The following PAXIP1 variants were observed in gnomAD, a reference collection of about 807,000 sequenced individuals.
The protein encoded by PAXIP1 is PAX interacting protein 1.
A neutral mutation model predicts 140.6 loss-of-function variants in PAXIP1; 19 were observed. The observed-to-expected ratio is 0.14, with a 90% CI of 0.09 to 0.20. PAXIP1 has a LOEUF of 0.20. Among genes scored for constraint, PAXIP1 ranks in the 10% least tolerant of loss-of-function variants. The pLI is 1.00. For synonymous variants in PAXIP1, 442 were observed against 444.6 expected, an observed-to-expected ratio of 0.99 and a Z score of 0.07; for missense variants, 920 against 1,208.6, an observed-to-expected ratio of 0.76 and a Z score of 3.54.
chr7:154,978,894 T>C, intron 5 of PAXIP1, among the ~76,000 whole-genome samples: 1 of 152,228 alleles, frequency 6.6e-6, no homozygotes, highest in East Asian at 1.9e-4. Context: ...TGGGATCCAG[T>C]AGGCTCTTGA....
intron 3 of PAXIP1, among the ~76,000 whole-genome samples, chr7:154,991,602 T>A (rs1446833383): frequency 6.6e-6 from 1 of 152,204 alleles, no homozygotes; most frequent in Non-Finnish European, 1.5e-5. Context: ...TCCCCTTTTT[T>A]AAAACAAAAG....
In PAXIP1 at chr7:154,968,386, T is replaced by C. The variant is rs1366602486; in HGVS notation, c.1798+17A>G. 1.3e-6 allele frequency: 2 copies of C among 1,517,122 alleles called. No homozygotes were observed. Among genetic ancestry groups the C allele is most frequent in the African/African-American group, 2.8e-5 (2 of 72,140 alleles). 94.0% of individuals were successfully genotyped at this position (1,517,122 alleles called of 1,614,324 possible). A position where few individuals can be genotyped will look rare whatever the true frequency, so the allele number is the denominator to read the frequency against. On this transcript the variant is annotated intron_variant, in intron 7 of 20. Coordinates refer to ENST00000404141, the MANE Select transcript of PAXIP1 (RefSeq NM_007349.4). ...CAAGACTTTTAGGAGAGAGGAAAAA[T>C]AATCTCCATTACTAACTCTCCACTG... is the stretch of plus-strand genomic sequence containing the variant.
chr7:154,994,957 T>C (rs956041718), intron 2 of PAXIP1, among the ~76,000 whole-genome samples: 78 of 152,268 alleles, frequency 5.1e-4, no homozygotes, highest in African/African-American at 1.9e-3. Context: ...TCCAGTTAAA[T>C]TTAAAAAAAT....
At chr7:154,993,317 A>G (rs563922316) in intron 3 of PAXIP1, among the ~76,000 whole-genome samples, 1 of 152,190 alleles carries the variant, frequency 6.6e-6, no homozygotes, top group Non-Finnish European at 1.5e-5. Flanking sequence ...TAATCGTTCT[A>G]CCCAATGCAA....
rs558102015 is a variant in PAXIP1, at chr7:154,957,035, A to T, written c.2549+189T>A. 24 of 417,624 alleles carry T rather than the reference A, an allele frequency of 5.7e-5. No homozygotes were observed. In the South Asian group the frequency reaches 1.3e-3, roughly 23 times the overall value. The allele number at this position is 417,624 out of a possible 1,614,324, so 25.9% of individuals were successfully genotyped here. ...TTAAAGAAAAAGACTGAATTTTTTT[A>T]AAATAAAAAATATACTGGCCTATGT... On this transcript the variant is annotated intron_variant, in intron 14 of 20. Transcript: ENST00000404141.
chr7:154,996,501 G>C (rs1450401713), intron 2 of PAXIP1, among the ~76,000 whole-genome samples: 1 of 152,148 alleles, frequency 6.6e-6, no homozygotes, highest in African/African-American at 2.4e-5. Context: ...CTTACATACT[G>C]ACTTTCCCAG....
intron 5 of PAXIP1, among the ~76,000 whole-genome samples, chr7:154,977,082 A>G (rs1322834810): frequency 6.6e-6 from 1 of 152,234 alleles, no homozygotes; most frequent in Non-Finnish European, 1.5e-5. Context: ...CAATTTGCAC[A>G]GTTAGAATGA....
intron 6 of PAXIP1, among the ~76,000 whole-genome samples, chr7:154,974,990 CAA>C (rs59174178): frequency 3.3e-5 from 4 of 122,178 alleles, no homozygotes; most frequent in African/African-American, 6.5e-5. Flanking sequence ...ACTAAAAATA[CAA>C]AAAAAAAAAA....
rs1206419192 is a variant in PAXIP1, at chr7:154,944,114, C to A, written c.*35G>T. 6.2e-7 allele frequency: 1 copy of A among 1,610,572 alleles called. No homozygotes were observed. The highest frequency in any genetic ancestry group is 8.5e-7 in the Non-Finnish European group (1 of 1,177,942). ...GCCAGCCAGACAGCCAGCCCCGCAC[C>A]GCAGGAGTCGACATGCACGGCAGCC... On this transcript the variant is annotated 3_prime_UTR_variant, in exon 21 of 21. Coordinates refer to ENST00000404141, the MANE Select transcript of PAXIP1 (RefSeq NM_007349.4).
rs555344614 is a variant in PAXIP1, at chr7:154,968,959, GTGCTGC to G, written c.1236_1241del (p.Gln412_Gln413del). The G allele has an allele frequency of 6.1e-6, 9 of 1,476,562 alleles. No homozygotes were observed. Among genetic ancestry groups the G allele is most frequent in the Non-Finnish European group, 8.3e-6 (9 of 1,090,742 alleles). 91.5% of individuals were successfully genotyped at this position (1,476,562 alleles called of 1,614,324 possible). ...GCTGGGGCTGAAGGTGTAAAACCGGGTGCTGCTGCTGCTGCTGCTGGGCCTGCTGCT... is the reference window on the plus strand; with the variant it reads ...GCTGGGGCTGAAGGTGTAAAACCGGGTGCTGCTGCTGCTGGGCCTGCTGCT... On this transcript the variant is annotated inframe_deletion, in exon 7 of 21. Coordinates refer to ENST00000404141, the MANE Select transcript of PAXIP1 (RefSeq NM_007349.4).
intron 5 of PAXIP1, among the ~76,000 whole-genome samples, chr7:154,982,681 G>C (rs1294200658): frequency 2.6e-5 from 4 of 152,294 alleles, no homozygotes; most frequent in South Asian, 2.1e-4. Context: ...AGTCCCCAAG[G>C]GGGGCAGATG....
chr7:154,972,183 T>C (rs1018460406), intron 6 of PAXIP1, among the ~76,000 whole-genome samples: 4 of 152,202 alleles, frequency 2.6e-5, no homozygotes, highest in African/African-American at 9.6e-5. Flanking sequence ...CCAACATCCA[T>C]TGTATTTGAA....
intron 16 of PAXIP1, chr7:154,949,508 G>A (rs994421082): frequency 2.0e-5 from 3 of 152,166 alleles, no homozygotes; most frequent in Non-Finnish European, 4.4e-5. Context: ...AAAAAGTACT[G>A]TTACACATGA....
In PAXIP1 at chr7:154,961,134, C is replaced by A. The variant is rs1002750025; in HGVS notation, c.2250-57G>T. 9.5e-6 allele frequency: 12 copies of A among 1,258,558 alleles called. No individual in the cohort carries two copies. In the African/African-American group the frequency reaches 1.5e-4, roughly 16 times the overall value. 78.0% of individuals were successfully genotyped at this position (1,258,558 alleles called of 1,614,324 possible). A position where few individuals can be genotyped will look rare whatever the true frequency, so the allele number is the denominator to read the frequency against. Reference sequence around the variant, plus strand: ...TTAAATGTTAGAGATGTCAACTGTCCAAATGTACATTTATTTCCAACAAAA... The same window carrying A: ...TTAAATGTTAGAGATGTCAACTGTCAAAATGTACATTTATTTCCAACAAAA... On this transcript the variant is annotated intron_variant, in intron 11 of 20. Coordinates refer to ENST00000404141, the MANE Select transcript of PAXIP1 (RefSeq NM_007349.4).
chr7:154,969,209 A>ATCCT, intron 6 of PAXIP1, 83 bp from the exon 7 acceptor site: 1 of 1,361,724 alleles, frequency 7.3e-7, no homozygotes, highest in South Asian at 1.6e-5. Flanking sequence ...AGAATGGCAT[A>ATCCT]TCCTATTTAT....
At position 154,945,821 on chromosome 7, in the gene PAXIP1, T is replaced by A. The variant is rs1471141401; in HGVS notation, c.3194+544A>T. ...TTTAATAAGGAATTCAAATAACAGA[T>A]GATGAGCTTTATTTTTTCCTGAATG... On this transcript the variant is annotated intron_variant, in intron 20 of 20. Coordinates refer to ENST00000404141, the MANE Select transcript of PAXIP1 (RefSeq NM_007349.4). 3 of 983,928 alleles carry A rather than the reference T, an allele frequency of 3.0e-6. No homozygotes were observed. The African/African-American group carries it at 5.2e-5, about 17-fold the overall frequency. The allele number at this position is 983,928 out of a possible 1,614,324, so 60.9% of individuals were successfully genotyped here.
In PAXIP1 at chr7:154,946,416, T is replaced by C. The variant is rs777906795; in HGVS notation, c.3143A>G (p.Asn1048Ser). 3 of 1,613,842 alleles carry C rather than the reference T, an allele frequency of 1.9e-6. No homozygotes were observed. The highest frequency in any genetic ancestry group is 2.5e-6 in the Non-Finnish European group (3 of 1,179,704). Residue 1048 changes from asparagine to serine, a missense_variant, in exon 20 of 21, where the codon AAT (asparagine) becomes AGT (serine). Physicochemically the swap from Asn to Ser is conservative, Grantham distance 46 (BLOSUM62 1). Coordinates refer to ENST00000404141, the MANE Select transcript of PAXIP1 (RefSeq NM_007349.4). This position sits in a 1 kb window ranked among gnomAD's most constrained non-coding sequence, Gnocchi z 4.9. Reference protein sequence around the residue: ...EYFARGIDVHNAEFVLTGVLT... With the variant: ...EYFARGIDVHSAEFVLTGVLT... ...CACTCCAGTCAGAACGAACTCTGCA[T>C]TGTGAACATCTGAACAGGGTGGAAA...
At chr7:154,994,487 T>C (rs1050376270) in intron 2 of PAXIP1, among the ~76,000 whole-genome samples, 2 of 152,106 alleles carry the variant, frequency 1.3e-5, no homozygotes, top group African/African-American at 2.4e-5. Flanking sequence ...TACCCACCCA[T>C]CAATTCATTC....
At chr7:154,999,914 A>G (rs1335878735) in intron 1 of PAXIP1, among the ~76,000 whole-genome samples, 2 of 152,194 alleles carry the variant, frequency 1.3e-5, no homozygotes, top group Non-Finnish European at 2.9e-5. Flanking sequence ...AGGGACAGGT[A>G]GGGAAGTGCA....
Sources: gnomAD v4.1 joint callset for allele counts (sites outside exome capture counted in the v4.1 genomes callset) on GRCh38, gnomAD v4.1.1 for gene constraint, Gnocchi (gnomAD v3.1) non-coding constraint, MANE v1.5 for transcripts, NCBI Gene and HGNC (gene_info 2026-07-23, HGNC 2026-07-21) for gene names.